Variants in MRPL1 observed in about 807,000 individuals in gnomAD.
MRPL1 encodes the protein mitochondrial ribosomal protein L1, also known as large ribosomal subunit protein uL1m.
In MRPL1, 28 loss-of-function variants were observed where a neutral mutation model predicts 38.0. The ratio of observed to expected loss-of-function variants is 0.74; its 90% CI spans 0.55 to 1.01. The LOEUF (loss-of-function observed/expected upper bound fraction) is 1.01. MRPL1 is among the 50% of genes least tolerant of loss of function. The pLI is 0.00. For missense variants in MRPL1, 358 were observed against 389.8 expected (o/e 0.92, Z 0.69); for synonymous variants, 123 against 126.7 (o/e 0.97, Z 0.20).
chr4:77,888,907 T>C (rs2110238135), intron 5 of MRPL1, among the ~76,000 whole-genome samples: 1 of 152,058 alleles, frequency 6.6e-6, no homozygotes, highest in South Asian at 2.1e-4. Flanking sequence ...TTCCCCACCC[T>C]GTCAATTCAA....
chr4:77,885,289 T>G lies in MRPL1; in HGVS notation c.436T>G (p.Leu146Val). ...NVEPFTSVLS[L>V]PYPFASEINK... ...GGAGCCATTTACCAGTGTTCTTAGT[T>G]TGCCATACCCATTTGCTTCCGAAAT... The change falls in exon 4 of 9, where the codon TTG (leucine) becomes GTG (valine). Residue 146 changes from leucine (L) to valine (V), a missense_variant. Leu to Val is a conservative substitution (Grantham distance 32). Transcript: ENST00000315567. 1 of 1,614,080 alleles carries G rather than the reference T, an allele frequency of 6.2e-7. No homozygotes were observed. The highest frequency in any genetic ancestry group is 1.1e-5 in the South Asian group (1 of 91,086).
At chr4:77,885,214 AG>A (rs776515968) in intron 3 of MRPL1, 41 bp from the exon 4 acceptor site, 1 of 1,420,832 alleles carries the variant, frequency 7.0e-7, no homozygotes, top group East Asian at 2.3e-5. Context: ...GAAATAGAAA[AG>A]ATTAACTTTA....
intron 7 of MRPL1, among the ~76,000 whole-genome samples, chr4:77,946,645 A>G (rs993448264): frequency 6.6e-6 from 1 of 152,174 alleles, no homozygotes; most frequent in African/African-American, 2.4e-5. Flanking sequence ...AATATTCACA[A>G]TTTATGTTCC....
At chr4:77,920,569 A>T (rs1056436170) in intron 7 of MRPL1, among the ~76,000 whole-genome samples, 2 of 152,188 alleles carry the variant, frequency 1.3e-5, no homozygotes, top group Non-Finnish European at 2.9e-5. Flanking sequence ...GAGCAGAGAG[A>T]CTATAGGAAC....
In MRPL1 at chr4:77,952,341, G is replaced by A. The variant is rs72871132; in HGVS notation, c.860-148G>A. On this transcript the variant is annotated intron_variant, in intron 8 of 8. Transcript: ENST00000315567. ...ACTTAACTCTTATTAATTAGCCTAC[G>A]GTACAATTGGTTTCTTTATAAGTTG... The A allele has an allele frequency of 8.3e-3, 5,258 of 634,198 alleles. 192 individuals carry two copies. The African/African-American group carries it at 0.087, about 11-fold the overall frequency. 39.3% of individuals were successfully genotyped at this position (634,198 alleles called of 1,614,324 possible).
intron 6 of MRPL1, 39 bp from the exon 7 acceptor site, chr4:77,909,227 T>C (rs2110248062): frequency 8.4e-7 from 1 of 1,187,550 alleles, no homozygotes; most frequent in Non-Finnish European, 1.3e-6. Context: ...TTACTACTTA[T>C]TTGGAGTGAT....
intron 7 of MRPL1, among the ~76,000 whole-genome samples, chr4:77,925,983 T>C (rs1278444276): frequency 2.0e-5 from 3 of 152,190 alleles, no homozygotes; most frequent in Non-Finnish European, 4.4e-5. Context: ...AAGATAGTGG[T>C]TTGAACACCA....
intron 7 of MRPL1, among the ~76,000 whole-genome samples, chr4:77,946,795 A>G (rs1373256602): frequency 6.6e-6 from 1 of 152,016 alleles, no homozygotes. Flanking sequence ...ATCCTTTTTA[A>G]CTCAGACACT....
chr4:77,918,382 A>C (rs1736474829), intron 7 of MRPL1, among the ~76,000 whole-genome samples: 1 of 152,154 alleles, frequency 6.6e-6, no homozygotes, highest in Admixed American at 6.5e-5. Context: ...CCAGGGATCA[A>C]GGTTTCCACC....
intron 2 of MRPL1, among the ~76,000 whole-genome samples, chr4:77,872,409 T>C (rs1038093032): frequency 2.0e-5 from 3 of 152,168 alleles, no homozygotes; most frequent in Non-Finnish European, 4.4e-5. Context: ...AGATTTCAGA[T>C]TTGCATAGTA....
chr4:77,877,920 G>A (rs1735439236), intron 2 of MRPL1, among the ~76,000 whole-genome samples: 1 of 151,972 alleles, frequency 6.6e-6, no homozygotes, highest in Admixed American at 6.6e-5. Context: ...TGGGGGGACG[G>A]CGCGCTTCTA....
intron 5 of MRPL1, among the ~76,000 whole-genome samples, chr4:77,893,572 A>G (rs886991852): frequency 6.6e-6 from 1 of 151,788 alleles, no homozygotes; most frequent in African/African-American, 2.4e-5. Context: ...TAGAGTATGG[A>G]TAATAAACTA....
intron 6 of MRPL1, among the ~76,000 whole-genome samples, chr4:77,905,346 A>T (rs1736130926): frequency 6.6e-6 from 1 of 151,734 alleles, no homozygotes; most frequent in African/African-American, 2.4e-5. Flanking sequence ...AAAATACAAA[A>T]ATTAGCTGGA....
intron 7 of MRPL1, among the ~76,000 whole-genome samples, chr4:77,911,868 C>T (rs1213689891): frequency 6.6e-6 from 1 of 152,014 alleles, no homozygotes; most frequent in Non-Finnish European, 1.5e-5. Context: ...TAGAATCCAG[C>T]AATATATAAA....
At chr4:77,898,361 A>G (rs1306190760) in intron 6 of MRPL1, among the ~76,000 whole-genome samples, 1 of 151,730 alleles carries the variant, frequency 6.6e-6, no homozygotes, top group Non-Finnish European at 1.5e-5. Context: ...AGAGTATAGT[A>G]CCTGGAAAAT....
intron 7 of MRPL1, among the ~76,000 whole-genome samples, chr4:77,920,100 T>C (rs977366704): frequency 1.3e-5 from 2 of 152,108 alleles, no homozygotes; most frequent in African/African-American, 4.8e-5. Context: ...AGTGACTTAG[T>C]TTTTTATCTT....
intron 7 of MRPL1, among the ~76,000 whole-genome samples, chr4:77,947,313 CTG>C (rs1737294684): frequency 6.6e-6 from 1 of 152,160 alleles, no homozygotes; most frequent in South Asian, 2.1e-4. Context: ...TAAGGAATAA[CTG>C]TTTTGTCTTG....
intron 7 of MRPL1, among the ~76,000 whole-genome samples, chr4:77,927,869 T>G (rs995312880): frequency 6.6e-6 from 1 of 152,140 alleles, no homozygotes; most frequent in Non-Finnish European, 1.5e-5. Flanking sequence ...AATCTAAGCT[T>G]GTTTTCTAGA....
At chr4:77,895,272 T>G (rs1408788516) in intron 6 of MRPL1, among the ~76,000 whole-genome samples, 1 of 152,114 alleles carries the variant, frequency 6.6e-6, no homozygotes, top group African/African-American at 2.4e-5. Flanking sequence ...AAATGTAATG[T>G]TTAAGCTAAG....
Sources: gnomAD v4.1 joint callset for allele counts (sites outside exome capture counted in the v4.1 genomes callset) on GRCh38, gnomAD v4.1.1 for gene constraint, MANE v1.5 for transcripts, NCBI Gene and HGNC (gene_info 2026-07-23, HGNC 2026-07-21) for gene names.